Variants in PHF21B observed in about 807,000 individuals in gnomAD.
PHF21B encodes the protein PHD finger protein 21B, also known as PHD finger protein 4.
PHF21B carries 22 observed loss-of-function variants against 62.2 expected under a neutral mutation model. The ratio of observed to expected loss-of-function variants is 0.35; its 90% CI spans 0.25 to 0.51. The LOEUF is 0.51. Among genes scored for constraint, PHF21B ranks in the 20% least tolerant of loss-of-function variants. PHF21B has a pLI of 0.97. For synonymous variants in PHF21B, 341 were observed against 314.7 expected (o/e 1.08, Z -0.88); for missense variants, 701 against 707.9 (o/e 0.99, Z 0.11).
At position 44,900,413 on chromosome 22, in the gene PHF21B, G is replaced by A. The variant is rs142696595; in HGVS notation, c.832-4330C>T. On this transcript the variant is annotated intron_variant, in intron 5 of 12. Coordinates refer to ENST00000313237, the MANE Select transcript of PHF21B (RefSeq NM_138415.5). ...CCTCCCAGACTAAAGTGATTCTCCT[G>A]CCTCAGTCTCCCGAGTAGCTGGGAT... 7.0e-3 allele frequency among the ~76,000 whole-genome samples: 1,071 copies of A among 152,194 alleles called. 5 individuals carry two copies. The highest frequency in any genetic ancestry group is 0.01 in the Non-Finnish European group (697 of 68,000).
At chr22:44,987,725 C>T (rs538122685) in intron 2 of PHF21B, among the ~76,000 whole-genome samples, 3 of 151,844 alleles carry the variant, frequency 2.0e-5, no homozygotes, top group South Asian at 2.1e-4. Flanking sequence ...TTGAGGTTTA[C>T]GGTTCTTAAA....
At chr22:44,911,515 A>C (rs2071343386) in intron 5 of PHF21B, among the ~76,000 whole-genome samples, 1 of 152,156 alleles carries the variant, frequency 6.6e-6, no homozygotes, top group Admixed American at 6.5e-5. Flanking sequence ...TCCAGCCATG[A>C]CTAAAAGGGG....
Position 44,885,781 on chromosome 22 carries a change from C to T in PHF21B, c.1273+82G>A. Reference sequence around the variant, plus strand: ...AAGGGAATGGACCCACCTGTCCTCCCACAGGACCAGGTGAGCCCAGAGGCC... The same window carrying T: ...AAGGGAATGGACCCACCTGTCCTCCTACAGGACCAGGTGAGCCCAGAGGCC... On this transcript the variant is annotated intron_variant, in intron 11 of 12. Transcript: ENST00000313237. 4 of 1,406,446 alleles carry T rather than the reference C, an allele frequency of 2.8e-6. No homozygotes were observed. The South Asian group carries it at 3.8e-5, about 13-fold the overall frequency. The allele number at this position is 1,406,446 out of a possible 1,614,324, so 87.1% of individuals were successfully genotyped here.
At chr22:44,994,734 C>T (rs1031726454) in intron 2 of PHF21B, among the ~76,000 whole-genome samples, 1 of 152,220 alleles carries the variant, frequency 6.6e-6, no homozygotes, top group Admixed American at 6.5e-5. Context: ...CCTCCCCTGG[C>T]ACCCACTTCA....
intron 2 of PHF21B, among the ~76,000 whole-genome samples, chr22:45,007,893 CCCCGGAGGGGG>C (rs958879920): frequency 2.1e-4 from 32 of 151,700 alleles, no homozygotes; most frequent in African/African-American, 3.1e-4. Context: ...AACTTTTCCT[CCCCGGAGGGGG>C]CCCGGAGGGG....
chr22:44,894,319 C>T (rs1486330407), intron 6 of PHF21B, among the ~76,000 whole-genome samples: 2 of 152,116 alleles, frequency 1.3e-5, no homozygotes, highest in Non-Finnish European at 2.9e-5. Context: ...CTATTAGGAA[C>T]GCACTTTTCG....
At chr22:44,935,417 A>G (rs2071825689) in intron 2 of PHF21B, among the ~76,000 whole-genome samples, 1 of 152,128 alleles carries the variant, frequency 6.6e-6, no homozygotes, top group Admixed American at 6.5e-5. Context: ...GATCGAGACC[A>G]TCCTGGCTAA....
chr22:44,920,369 AC>A (rs1440505609), intron 3 of PHF21B, 28 bp downstream of exon 3: 1 of 1,554,100 alleles, frequency 6.4e-7, no homozygotes, highest in Non-Finnish European at 8.8e-7. Flanking sequence ...ACAGACGGAC[AC>A]CCCAGGGCCC....
chr22:44,902,547 G>T (rs540410104), intron 5 of PHF21B: 18 of 155,890 alleles, frequency 1.2e-4, no homozygotes, highest in Non-Finnish European at 1.6e-4. Context: ...TGTATCCATG[G>T]CCCTCTGTGT....
intron 2 of PHF21B, among the ~76,000 whole-genome samples, chr22:44,994,459 G>A (rs908810286): frequency 7.2e-5 from 11 of 152,202 alleles, no homozygotes; most frequent in Non-Finnish European, 1.5e-4. Context: ...CAAGAGAGGG[G>A]CCTCCCCTCG....
chr22:44,896,143 C>T lies in PHF21B; in HGVS notation c.832-60G>A, dbSNP rs1237374540. ...AACCGTCAAAGTTCATTCATGCACTCAACAAACATCTGCTGTGGCAGGTGC... is the reference window on the plus strand; with the variant it reads ...AACCGTCAAAGTTCATTCATGCACTTAACAAACATCTGCTGTGGCAGGTGC... On this transcript the variant is annotated intron_variant, in intron 5 of 12. Coordinates refer to ENST00000313237, the MANE Select transcript of PHF21B (RefSeq NM_138415.5). 13 of 1,579,110 alleles carry T rather than the reference C, an allele frequency of 8.2e-6. No individual in the cohort carries two copies. In the Admixed American group the frequency reaches 8.3e-5, roughly 10 times the overall value.
At chr22:44,977,127 AAAG>A (rs1301765463) in intron 2 of PHF21B, among the ~76,000 whole-genome samples, 2 of 152,340 alleles carry the variant, frequency 1.3e-5, no homozygotes, top group East Asian at 3.9e-4. Flanking sequence ...CTCAAAAAGA[AAAG>A]AAAGAAAAAA....
intron 2 of PHF21B, among the ~76,000 whole-genome samples, chr22:44,921,155 T>C (rs1403847829): frequency 1.3e-5 from 2 of 152,086 alleles, no homozygotes; most frequent in African/African-American, 4.8e-5. Context: ...AGCCCCCCAA[T>C]ATGGGGGTCT....
At chr22:44,966,166 G>A (rs1325210347) in intron 2 of PHF21B, among the ~76,000 whole-genome samples, 2 of 152,094 alleles carry the variant, frequency 1.3e-5, no homozygotes, top group Admixed American at 1.3e-4. Context: ...TCGCTCCTAC[G>A]CTGCCTGGGC....
chr22:44,975,543 G>A (rs914631508), intron 2 of PHF21B, among the ~76,000 whole-genome samples: 5 of 152,216 alleles, frequency 3.3e-5, no homozygotes, highest in African/African-American at 9.6e-5. Flanking sequence ...CAGCAGAGAG[G>A]GTTTTCTAAG....
At chr22:44,944,807 A>G (rs1052449507) in intron 2 of PHF21B, among the ~76,000 whole-genome samples, 5 of 152,256 alleles carry the variant, frequency 3.3e-5, no homozygotes, top group East Asian at 1.9e-4. Flanking sequence ...TGCCCAGCCC[A>G]TCGCATGGGT....
At chr22:44,899,020 A>G (rs1299394322) in intron 5 of PHF21B, among the ~76,000 whole-genome samples, 1 of 152,140 alleles carries the variant, frequency 6.6e-6, no homozygotes, top group African/African-American at 2.4e-5. Context: ...CTCCTGCCAC[A>G]CGTTCAGTTC....
In PHF21B at chr22:44,885,860, C is replaced by T. The variant is rs963858336; in HGVS notation, c.1273+3G>A. 1 of 1,613,874 alleles carries T rather than the reference C, an allele frequency of 6.2e-7. No homozygotes were observed. Among genetic ancestry groups the T allele is most frequent in the Non-Finnish European group, 8.5e-7 (1 of 1,179,908 alleles). ...CCTTTTCCACTCCCCAGGGATGCCT[C>T]ACCTGTCTTGTGGGTGACATAAGAG... On this transcript the variant is annotated splice_donor_region_variant and intron_variant, in intron 11 of 12. Transcript: ENST00000313237.
At chr22:44,885,619 C>A in intron 11 of PHF21B, 90 bp from the exon 12 acceptor site, 1 of 1,301,932 alleles carries the variant, frequency 7.7e-7, no homozygotes, top group Middle Eastern at 2.0e-4. Flanking sequence ...GGGATGAAAC[C>A]AAGGCCTAGG....
Sources: gnomAD v4.1 joint callset for allele counts (sites outside exome capture counted in the v4.1 genomes callset) on GRCh38, gnomAD v4.1.1 for gene constraint, MANE v1.5 for transcripts, NCBI Gene and HGNC (gene_info 2026-07-23, HGNC 2026-07-21) for gene names.